Variants in ZFYVE28 observed in about 807,000 individuals in gnomAD.
ZFYVE28 encodes zinc finger FYVE-type containing 28.
ZFYVE28 carries 40 observed loss-of-function variants against 82.1 expected under a neutral mutation model. The ratio of observed to expected loss-of-function variants is 0.49; its 90% confidence interval spans 0.38 to 0.63. The LOEUF (loss-of-function observed/expected upper bound fraction) is 0.63, where lower values mean the gene tolerates loss of function less well. ZFYVE28 is among the 30% of genes least tolerant of loss of function. The probability of loss-of-function intolerance (pLI) is 0.00; values close to 1 mark genes in which losing one functional copy is unlikely to be tolerated. For synonymous variants in ZFYVE28, 612 were observed against 546.1 expected (o/e 1.12, Z -1.68); for missense variants, 1,321 against 1,242.1 (o/e 1.06, Z -0.96).
At chr4:2,371,393 T>C (rs1180903401) in intron 1 of ZFYVE28, among the ~76,000 whole-genome samples, 1 of 152,254 alleles carries the variant, frequency 6.6e-6, no homozygotes, top group Non-Finnish European at 1.5e-5. Flanking sequence ...ATTCCATCAT[T>C]CTTTAAAAAT....
chr4:2,337,616 T>A, intron 4 of ZFYVE28, 120 bp from the exon 5 acceptor site: 2 of 725,942 alleles, frequency 2.8e-6, no homozygotes, highest in Non-Finnish European at 4.5e-6. Flanking sequence ...GCGGGGGGCC[T>A]CACGCCTGTA....
At chr4:2,414,667 T>G in intron 1 of ZFYVE28, among the ~76,000 whole-genome samples, 1 of 152,122 alleles carries the variant, frequency 6.6e-6, no homozygotes, top group East Asian at 1.9e-4. Context: ...CACAAATTCA[T>G]CCTGAGTGAT....
chr4:2,380,096 C>T (rs1444036559), intron 1 of ZFYVE28, among the ~76,000 whole-genome samples: 1 of 152,174 alleles, frequency 6.6e-6, no homozygotes, highest in African/African-American at 2.4e-5. Context: ...TTTGCAACAA[C>T]CTAATAGTAT....
rs1733399754 is a variant in ZFYVE28, at chr4:2,418,643, C to T, written c.-320G>A. The T allele has an allele frequency of 6.7e-6, 1 of 148,884 alleles. No individual in the cohort carries two copies. The highest frequency in any genetic ancestry group is 1.9e-4 in the East Asian group (1 of 5,160). 9.2% of individuals were successfully genotyped at this position (148,884 alleles called of 1,614,324 possible). A position where few individuals can be genotyped will look rare whatever the true frequency, so the allele number is the denominator to read the frequency against. ...CACTGACACCCAGCGCTCCGCTGGT[C>T]ACGGCCGCCCCGCGCCGCACATGCG... On this transcript the variant is annotated 5_prime_UTR_variant, in exon 1 of 13. Transcript: ENST00000290974. The surrounding 1 kb of genome is among the most constrained non-coding windows in gnomAD (Gnocchi z 4.6).
intron 2 of ZFYVE28, among the ~76,000 whole-genome samples, chr4:2,346,793 A>T (rs903127538): frequency 2.0e-5 from 3 of 152,164 alleles, no homozygotes; most frequent in Non-Finnish European, 2.9e-5. Flanking sequence ...AGCATAAAAA[A>T]TAAATAGAAT....
At chr4:2,319,965 A>G (rs2071685) in intron 7 of ZFYVE28, among the ~76,000 whole-genome samples, 44,082 of 152,086 alleles carry the variant, frequency 0.29, 7,276 homozygotes, top group Middle Eastern at 0.4. Flanking sequence ...CGCCCACCCC[A>G]TGCGATGCCC....
At chr4:2,391,825 T>G (rs1299102242) in intron 1 of ZFYVE28, among the ~76,000 whole-genome samples, 1 of 148,766 alleles carries the variant, frequency 6.7e-6, no homozygotes, top group African/African-American at 2.5e-5. Flanking sequence ...AACCTCAGCC[T>G]CCTGGCTTCA....
At chr4:2,400,046 C>T (rs1289091470) in intron 1 of ZFYVE28, among the ~76,000 whole-genome samples, 1 of 152,222 alleles carries the variant, frequency 6.6e-6, no homozygotes, top group Non-Finnish European at 1.5e-5. Flanking sequence ...CAGATGCTGC[C>T]TCTCCACATG....
chr4:2,325,166 C>G (rs781326370), intron 6 of ZFYVE28: 1 of 151,462 alleles, frequency 6.6e-6, no homozygotes, highest in Non-Finnish European at 1.5e-5. Context: ...AAAGCAAATG[C>G]TGAAGAGAAA....
intron 6 of ZFYVE28, among the ~76,000 whole-genome samples, chr4:2,329,322 C>A (rs770902246): frequency 6.6e-6 from 1 of 152,152 alleles, no homozygotes; most frequent in Non-Finnish European, 1.5e-5. Flanking sequence ...AGCATCCATG[C>A]CTTTCACCTT....
At chr4:2,308,716 AAAG>A (rs1391122852) in intron 7 of ZFYVE28, among the ~76,000 whole-genome samples, 3 of 151,264 alleles carry the variant, frequency 2.0e-5, no homozygotes, top group African/African-American at 4.9e-5. Flanking sequence ...AAAGAAAAGA[AAAG>A]AAAGAAAAAA....
At chr4:2,272,081 T>C (rs892174379) in intron 10 of ZFYVE28, among the ~76,000 whole-genome samples, 1 of 152,192 alleles carries the variant, frequency 6.6e-6, no homozygotes, top group Non-Finnish European at 1.5e-5. Context: ...GGACTGCAGC[T>C]CACAACCTCC....
At chr4:2,293,874 T>C (rs949256945) in intron 8 of ZFYVE28, among the ~76,000 whole-genome samples, 2 of 151,682 alleles carry the variant, frequency 1.3e-5, no homozygotes, top group African/African-American at 4.8e-5. Context: ...TCACAAAATA[T>C]AGAATACTTG....
intron 1 of ZFYVE28, among the ~76,000 whole-genome samples, chr4:2,355,260 ATATATATAT>A (rs1725124759): frequency 7.4e-5 from 1 of 13,526 alleles, no homozygotes; most frequent in African/African-American, 3.5e-4. Flanking sequence ...ATATATATAT[ATATATATAT>A]ATAATGATTC....
chr4:2,349,357 G>A (rs1578200603), intron 2 of ZFYVE28, among the ~76,000 whole-genome samples: 1 of 132,426 alleles, frequency 7.6e-6, no homozygotes, highest in Non-Finnish European at 1.6e-5. Flanking sequence ...TCACACTCTG[G>A]GGACTGTTGT....
chr4:2,371,648 A>C (rs1727565400), intron 1 of ZFYVE28, among the ~76,000 whole-genome samples: 1 of 152,228 alleles, frequency 6.6e-6, no homozygotes, highest in Non-Finnish European at 1.5e-5. Context: ...GCAGGGCAAA[A>C]AACAGACAAA....
At chr4:2,401,991 G>A (rs1051560587) in intron 1 of ZFYVE28, among the ~76,000 whole-genome samples, 6 of 152,224 alleles carry the variant, frequency 3.9e-5, no homozygotes, top group African/African-American at 1.2e-4. Flanking sequence ...GGCAGCTCAC[G>A]ACGACCCTGA....
intron 8 of ZFYVE28, chr4:2,285,922 G>T: frequency 6.6e-6 from 1 of 152,514 alleles, no homozygotes. Context: ...TGTGTCACCC[G>T]GTCTTGGCGC....
chr4:2,286,380 CG>C, intron 8 of ZFYVE28: 1 of 152,296 alleles, frequency 6.6e-6, no homozygotes, highest in Admixed American at 6.5e-5. Context: ...CAGGCGTGGA[CG>C]GGGACGCTGC....
Sources: allele counts gnomAD v4.1 joint callset (sites outside exome capture counted in the v4.1 genomes callset), GRCh38; gene constraint gnomAD v4.1.1; non-coding constraint Gnocchi (gnomAD v3.1); transcripts MANE v1.5; gene names NCBI Gene and HGNC (gene_info 2026-07-23, HGNC 2026-07-21).